Variants in NTRK2 observed in about 807,000 individuals in gnomAD.
NTRK2 encodes neurotrophic receptor tyrosine kinase 2, also known as BDNF/NT-3 growth factors receptor.
In NTRK2, 13 loss-of-function variants were observed where a neutral mutation model predicts 94.5. The observed-to-expected ratio is 0.14, with a 90% confidence interval of 0.09 to 0.22. The LOEUF is 0.22. Among genes scored for constraint, NTRK2 ranks in the 10% least tolerant of loss-of-function variants. NTRK2 has a pLI of 1.00. For synonymous variants in NTRK2, 372 were observed against 407.4 expected (o/e 0.91, Z 1.05); for missense variants, 639 against 1,071.2 (o/e 0.60, Z 5.63).
chr9:84,836,261 C>A (rs1432334400), intron 12 of NTRK2, among the ~76,000 whole-genome samples: 1 of 152,122 alleles, frequency 6.6e-6, no homozygotes, highest in Admixed American at 6.5e-5. Flanking sequence ...TAGAGAAATG[C>A]AAGAAGAGGG....
intron 12 of NTRK2, among the ~76,000 whole-genome samples, chr9:84,759,735 T>A (rs766919545): frequency 1.3e-5 from 2 of 152,234 alleles, no homozygotes; most frequent in Non-Finnish European, 2.9e-5. Context: ...GTTTTCTTCT[T>A]CTTTTCCCCC....
chr9:84,741,798 A>G (rs574957123), intron 9 of NTRK2, 94 bp from the exon 10 acceptor site: 7 of 1,039,816 alleles, frequency 6.7e-6, no homozygotes, highest in Non-Finnish European at 1.0e-5. Context: ...GCAAAACTTC[A>G]GTGTATGTCT....
intron 14 of NTRK2, among the ~76,000 whole-genome samples, chr9:84,885,345 A>G (rs549828467): frequency 1.1e-4 from 17 of 152,322 alleles, no homozygotes; most frequent in African/African-American, 4.1e-4. Context: ...ACCCTGAAAC[A>G]TAGTCTCCAG....
intron 17 of NTRK2, among the ~76,000 whole-genome samples, chr9:84,971,140 G>C (rs912443134): frequency 6.6e-6 from 1 of 152,128 alleles, no homozygotes; most frequent in Non-Finnish European, 1.5e-5. Context: ...ATCACTTCTA[G>C]AATTCAGGTC....
rs2062221284 is a variant in NTRK2 at position 84,723,551 on chromosome 9, G to A, written c.584-22G>A. On this transcript the variant is annotated intron_variant, in intron 6 of 18. Transcript: ENST00000277120. ...CATTTAACTATTTGCATATGCCTCT[G>A]TTTACTTTTCTTGTTCCATAGGTTT... 5.0e-6 allele frequency: 8 copies of A among 1,613,690 alleles called. No individual in the cohort carries two copies. In the South Asian group the frequency reaches 6.6e-5, roughly 13 times the overall value.
intron 17 of NTRK2, among the ~76,000 whole-genome samples, chr9:84,980,879 T>C (rs1827504110): frequency 6.6e-6 from 1 of 152,172 alleles, no homozygotes; most frequent in African/African-American, 2.4e-5. Context: ...TCAGGGTAGG[T>C]GCAGACTTCA....
intron 12 of NTRK2, among the ~76,000 whole-genome samples, chr9:84,852,657 A>AT (rs2074838590): frequency 6.6e-6 from 1 of 152,194 alleles, no homozygotes; most frequent in Non-Finnish European, 1.5e-5. Context: ...GATGTAAAAA[A>AT]CTCAGTGTTG....
At chr9:84,976,038 A>G (rs1198843710) in intron 17 of NTRK2, among the ~76,000 whole-genome samples, 1 of 152,194 alleles carries the variant, frequency 6.6e-6, no homozygotes, top group African/African-American at 2.4e-5. Context: ...TAGCTAGCCT[A>G]TGATGACTCC....
At chr9:84,836,526 A>T (rs1238959046) in intron 12 of NTRK2, among the ~76,000 whole-genome samples, 2 of 151,218 alleles carry the variant, frequency 1.3e-5, no homozygotes, top group African/African-American at 4.9e-5. Flanking sequence ...TTGCATCCTC[A>T]TTGAGAGAAT....
At chr9:84,947,394 C>A (rs1264952773) in intron 15 of NTRK2, among the ~76,000 whole-genome samples, 1 of 152,238 alleles carries the variant, frequency 6.6e-6, no homozygotes, top group Non-Finnish European at 1.5e-5. Context: ...TATTCACAGG[C>A]TCCCAGGATT....
chr9:84,722,209 TG>T (rs1247030856), intron 6 of NTRK2, among the ~76,000 whole-genome samples: 2 of 143,650 alleles, frequency 1.4e-5, no homozygotes, highest in Non-Finnish European at 3.0e-5. Context: ...GATGTAACAT[TG>T]GTCTCTATTG....
At chr9:85,018,752 G>A (rs978981366) in intron 17 of NTRK2, among the ~76,000 whole-genome samples, 3 of 152,192 alleles carry the variant, frequency 2.0e-5, no homozygotes. Context: ...GACCCTGAGG[G>A]TGACTGTTGC....
intron 2 of NTRK2, among the ~76,000 whole-genome samples, chr9:84,676,960 AGT>A (rs58789627): frequency 1.7e-4 from 26 of 150,070 alleles, no homozygotes; most frequent in Middle Eastern, 3.4e-3. Flanking sequence ...ACTGTGTGTG[AGT>A]GTGTGTGTGT....
At chr9:84,798,912 C>CTATATATATATA (rs57167822) in intron 12 of NTRK2, among the ~76,000 whole-genome samples, 6,848 of 126,466 alleles carry the variant, frequency 0.054, 348 homozygotes, top group Admixed American at 0.07. Flanking sequence ...CTTCTAAGTG[C>CTATATATATATA]TATATATATA....
intron 6 of NTRK2, among the ~76,000 whole-genome samples, chr9:84,718,274 G>T (rs2061838298): frequency 6.6e-6 from 1 of 152,130 alleles, no homozygotes; most frequent in Non-Finnish European, 1.5e-5. Context: ...TGTGTTCTGT[G>T]GAACAGAGAG....
intron 12 of NTRK2, among the ~76,000 whole-genome samples, chr9:84,757,084 C>T (rs2065147967): frequency 6.6e-6 from 1 of 152,036 alleles, no homozygotes; most frequent in African/African-American, 2.4e-5. Context: ...AAAATGTGAC[C>T]AAAAGCCAGA....
At chr9:84,742,137 T>TA (rs1411138917) in intron 10 of NTRK2, among the ~76,000 whole-genome samples, 2 of 152,170 alleles carry the variant, frequency 1.3e-5, no homozygotes, top group African/African-American at 4.8e-5. Flanking sequence ...TTCTCTCTCA[T>TA]ACCCTGTTCT....
At chr9:85,016,388 CAT>C (rs1358342608) in intron 17 of NTRK2, among the ~76,000 whole-genome samples, 1 of 152,188 alleles carries the variant, frequency 6.6e-6, no homozygotes, top group Non-Finnish European at 1.5e-5. Flanking sequence ...TAGTGAAGAC[CAT>C]GAGACCCCAT....
chr9:84,894,937 A>C (rs1183457827), intron 14 of NTRK2, among the ~76,000 whole-genome samples: 1 of 152,226 alleles, frequency 6.6e-6, no homozygotes, highest in Non-Finnish European at 1.5e-5. Context: ...ACAAAATCAC[A>C]AGAAAACATA....
Sources: gnomAD v4.1 joint callset for allele counts (sites outside exome capture counted in the v4.1 genomes callset) on GRCh38, gnomAD v4.1.1 for gene constraint, MANE v1.5 for transcripts, NCBI Gene and HGNC (gene_info 2026-07-23, HGNC 2026-07-21) for gene names.